Variants in CCDC191 observed in about 807,000 individuals in gnomAD.
CCDC191 encodes the protein coiled-coil domain-containing protein 191.
CCDC191 carries 99 observed loss-of-function variants against 114.0 expected under a neutral mutation model. The observed-to-expected ratio is 0.87, with a 90% CI of 0.74 to 1.03. CCDC191 has a LOEUF of 1.03. Ranked by LOEUF, CCDC191 falls within the 50% of genes least tolerant of loss-of-function variation. The pLI is 0.00. For missense variants in CCDC191, 973 were observed against 1,087.0 expected, an observed-to-expected ratio of 0.90 and a Z score of 1.47; for synonymous variants, 351 against 376.0, an observed-to-expected ratio of 0.93 and a Z score of 0.77.
At chr3:114,056,329 C>G (rs1377550717) in intron 1 of CCDC191, 48 bp downstream of exon 1, 2 of 1,585,414 alleles carry the variant, frequency 1.3e-6, no homozygotes, top group Non-Finnish European at 1.7e-6. Context: ...CTGACTGCGC[C>G]GCGCCTTGGG....
intron 13 of CCDC191, among the ~76,000 whole-genome samples, chr3:113,990,547 C>T (rs1206978197): frequency 6.6e-6 from 1 of 151,736 alleles, no homozygotes; most frequent in African/African-American, 2.4e-5. Context: ...CCTCACAAAT[C>T]CCCACCAAAG....
intron 13 of CCDC191, among the ~76,000 whole-genome samples, chr3:113,993,897 A>G (rs1267887600): frequency 6.6e-6 from 1 of 152,148 alleles, no homozygotes; most frequent in Non-Finnish European, 1.5e-5. Context: ...AAAAAAAAAG[A>G]AAAGAAAAAA....
rs190981398 is a variant in CCDC191, at chr3:113,983,429, T to C, written c.2164-2636A>G. 5.9e-5 allele frequency among the ~76,000 whole-genome samples: 9 copies of C among 152,310 alleles called. No homozygotes were observed. The East Asian group carries it at 1.7e-3, about 29-fold the overall frequency. The stretch of plus-strand genomic sequence containing the variant: ...AGGCTTATATACCCAAGCACATATC[T>C]GACATGTTCATTTGGATGTCCAATA... On this transcript the variant is annotated intron_variant, in intron 13 of 16. Coordinates refer to ENST00000295878, the MANE Select transcript of CCDC191 (RefSeq NM_020817.2).
chr3:114,012,926 G>T (rs551927160), intron 8 of CCDC191, among the ~76,000 whole-genome samples: 7 of 152,304 alleles, frequency 4.6e-5, no homozygotes, highest in Admixed American at 3.3e-4. Context: ...AGGGCTTAAA[G>T]CCCACTCTAT....
At chr3:113,992,539 T>C (rs999805898) in intron 13 of CCDC191, among the ~76,000 whole-genome samples, 3 of 152,056 alleles carry the variant, frequency 2.0e-5, no homozygotes, top group Non-Finnish European at 2.9e-5. Flanking sequence ...CAGGACTTCA[T>C]TGGTGAATTG....
intron 7 of CCDC191, among the ~76,000 whole-genome samples, chr3:114,028,275 ATTTT>A (rs920211150): frequency 2.4e-5 from 3 of 126,878 alleles, no homozygotes; most frequent in Admixed American, 8.7e-5. Flanking sequence ...AATTCTAAAA[ATTTT>A]TTTTTTTTTT....
Position 113,975,062 on chromosome 3 carries a change from T to TA in CCDC191, c.2606+3123dup, listed in dbSNP as rs200270473. Among the ~76,000 whole-genome samples, 1,189 of 152,312 alleles carry TA rather than the reference T, an allele frequency of 7.8e-3. 10 individuals are homozygous for TA. The highest frequency in any genetic ancestry group is 0.013 in the Non-Finnish European group (864 of 68,008). On this transcript the variant is annotated intron_variant, in intron 16 of 16. Coordinates refer to ENST00000295878, the MANE Select transcript of CCDC191 (RefSeq NM_020817.2). The stretch of plus-strand genomic sequence containing the variant: ...CCCATAAACTCCTTGACATGTTGTG[T>TA]AAAGTTGTATGTTATATGCATGTAT...
At chr3:114,023,994 T>G (rs1332806538) in intron 7 of CCDC191, among the ~76,000 whole-genome samples, 1 of 152,076 alleles carries the variant, frequency 6.6e-6, no homozygotes. Flanking sequence ...TACAATGAAC[T>G]CAAACAAATT....
In CCDC191 at chr3:114,040,472, CTT is replaced by C. The variant is rs201733274; in HGVS notation, c.415+2229_415+2230del. ...GTTATGTTTTTCTGATGGATTGACT[CTT>C]TTATCGTTAGAAAATGCACTTTTTG... is the stretch of plus-strand genomic sequence containing the variant. On this transcript the variant is annotated intron_variant, in intron 4 of 16. Transcript: ENST00000295878. Among the ~76,000 whole-genome samples the C allele has an allele frequency of 9.8e-4, 149 of 151,960 alleles. 4 individuals are homozygous for C. In the East Asian group the frequency reaches 0.016, roughly 16 times the overall value.
At chr3:114,051,171 C>A (rs2076694105) in intron 2 of CCDC191, among the ~76,000 whole-genome samples, 1 of 152,122 alleles carries the variant, frequency 6.6e-6, no homozygotes, top group South Asian at 2.1e-4. Context: ...AAACTGATAA[C>A]CCCTTCTCCA....
At chr3:113,968,268 C>T (rs375082379) in intron 16 of CCDC191, among the ~76,000 whole-genome samples, 1 of 152,126 alleles carries the variant, frequency 6.6e-6, no homozygotes, top group Non-Finnish European at 1.5e-5. Context: ...GTGAGGGTTT[C>T]CCTTTCTCCA....
At chr3:114,026,125 C>A (rs1433046133) in intron 7 of CCDC191, among the ~76,000 whole-genome samples, 1 of 152,048 alleles carries the variant, frequency 6.6e-6, no homozygotes, top group African/African-American at 2.4e-5. Context: ...AAAAAAAATA[C>A]ATTTAAAAAT....
chr3:113,986,145 A>C (rs2075347330), intron 13 of CCDC191, among the ~76,000 whole-genome samples: 2 of 152,228 alleles, frequency 1.3e-5, no homozygotes, highest in Admixed American at 6.5e-5. Flanking sequence ...AAAAGATTCA[A>C]AATAAAAATG....
In CCDC191 at chr3:113,980,644, G is replaced by A. The variant is rs1159700965; in HGVS notation, c.2307+6C>T. 6.3e-7 allele frequency: 1 copy of A among 1,583,202 alleles called. No individual in the cohort carries two copies. The highest frequency in any genetic ancestry group is 8.5e-7 in the Non-Finnish European group (1 of 1,171,412). ...TAATCTGGGGGATAACAGTGGGACA[G>A]TGTACCTGGATGTTTTGTTTGCTTT... On this transcript the variant is annotated splice_donor_region_variant and intron_variant, in intron 14 of 16. Transcript: ENST00000295878.
intron 2 of CCDC191, among the ~76,000 whole-genome samples, chr3:114,048,373 T>C (rs1489526950): frequency 1.3e-5 from 2 of 152,184 alleles, no homozygotes; most frequent in Non-Finnish European, 2.9e-5. Flanking sequence ...TGGCTCCTGA[T>C]CTCAATCAGA....
At chr3:114,054,497 C>A (rs1345748027) in intron 1 of CCDC191, among the ~76,000 whole-genome samples, 1 of 152,066 alleles carries the variant, frequency 6.6e-6, no homozygotes, top group Non-Finnish European at 1.5e-5. Flanking sequence ...ATTAACCAGG[C>A]GTGGTGGCGG....
At chr3:114,051,996 A>T (rs1407728710) in intron 2 of CCDC191, among the ~76,000 whole-genome samples, 1 of 152,246 alleles carries the variant, frequency 6.6e-6, no homozygotes, top group East Asian at 1.9e-4. Context: ...TTGGTCAGGA[A>T]GTCATTTATG....
upstream of CCDC191, chr3:114,056,592 C>T: frequency 2.5e-6 from 4 of 1,587,524 alleles, no homozygotes; most frequent in Middle Eastern, 1.7e-4. Flanking sequence ...AGGACACCGT[C>T]GAACCACCAC....
chr3:113,995,625 G>A (rs555977337), intron 13 of CCDC191, among the ~76,000 whole-genome samples: 11 of 152,192 alleles, frequency 7.2e-5, no homozygotes, highest in South Asian at 4.2e-4. Flanking sequence ...GATTTGTATC[G>A]CTTTGGGTAT....
Sources: gnomAD v4.1 joint callset for allele counts (sites outside exome capture counted in the v4.1 genomes callset) on GRCh38, gnomAD v4.1.1 for gene constraint, MANE v1.5 for transcripts, NCBI Gene and HGNC (gene_info 2026-07-23, HGNC 2026-07-21) for gene names.